Variants in ZNF135 observed in about 807,000 individuals in gnomAD.
The protein encoded by ZNF135 is zinc finger protein 135.
A neutral mutation model predicts 12.3 loss-of-function variants in ZNF135; 11 were observed. The ratio of observed to expected loss-of-function variants is 0.89; its 90% CI spans 0.56 to 1.48. The LOEUF (loss-of-function observed/expected upper bound fraction) is 1.48, where lower values mean the gene tolerates loss of function less well. ZNF135 is among the 40% of genes most tolerant of loss of function. The pLI is 0.00. For missense variants in ZNF135, 722 were observed against 815.7 expected (o/e 0.89, Z 1.40); for synonymous variants, 316 against 312.0 (o/e 1.01, Z -0.14).
At position 58,059,429 on chromosome 19, in the gene ZNF135, C is replaced by A; in HGVS notation, c.-35+119C>A. On this transcript the variant is annotated intron_variant, in intron 1 of 4. Coordinates refer to ENST00000313434, the MANE Select transcript of ZNF135 (RefSeq NM_001289401.2). The surrounding 1 kb of genome is among the most constrained non-coding windows in gnomAD (Gnocchi z 6.5). ...GGGGCGAGTTTCCAGCAGCGCGCGT[C>A]TGTGTGGAGTCCGTTTTGCTGCCCG... 9.0e-7 allele frequency: 1 copy of A among 1,105,678 alleles called. No homozygotes were observed. The highest frequency in any genetic ancestry group is 1.2e-6 in the Non-Finnish European group (1 of 816,582). 68.5% of individuals were successfully genotyped at this position (1,105,678 alleles called of 1,614,324 possible). A position where few individuals can be genotyped will look rare whatever the true frequency, so the allele number is the denominator to read the frequency against.
At position 58,067,841 on chromosome 19, in the gene ZNF135, C is replaced by T. The variant is rs560909953; in HGVS notation, c.1357C>T (p.Leu453Phe). The change falls in exon 5 of 5, where the codon CTC (leucine) becomes TTC (phenylalanine). Residue 453 changes from leucine to phenylalanine, a missense_variant. Coordinates refer to ENST00000313434, the MANE Select transcript of ZNF135 (RefSeq NM_001289401.2). ...CGKTFSHSSSLSQHERTHTGE... is the reference protein window; with the variant it reads ...CGKTFSHSSSFSQHERTHTGE... ...GAAAACCTTCAGCCACAGCTCCTCA[C>T]TCAGCCAGCATGAGCGGACACACAC... 22 of 1,612,580 alleles carry T rather than the reference C, an allele frequency of 1.4e-5. No individual in the cohort carries two copies. The highest frequency in any genetic ancestry group is 1.7e-5 in the Admixed American group (1 of 59,882).
In ZNF135 at chr19:58,066,943, G is replaced by A. The variant is rs2074076782; in HGVS notation, c.459G>A (p.Lys153=). The A allele has an allele frequency of 6.2e-7, 1 of 1,614,182 alleles. No individual in the cohort carries two copies. Among genetic ancestry groups the A allele is most frequent in the African/African-American group, 1.3e-5 (1 of 75,026 alleles). The change falls in exon 5 of 5, where the codon AAG becomes AAA. Residue 153 remains lysine, a synonymous_variant. Coordinates refer to ENST00000313434, the MANE Select transcript of ZNF135 (RefSeq NM_001289401.2). ...TGCCGGTGGCCTTCACGCCTGTGAA[G>A]ACGCCTGTTCTGGAGCAGTGGCAGA... The part of the protein sequence containing the change: ...LAVPVAFTPV[K]TPVLEQWQRN...
chr19:58,067,240 G>A lies in ZNF135; in HGVS notation c.756G>A (p.Arg252=). ...GTCACGAATGCTTAAAAGGCTTCCG[G>A]AACAGCTCGGCACTTACCAAACACC... ...YECHECLKGF[R]NSSALTKHQR... is the part of the protein sequence containing the mutation. Residue 252 remains arginine, a synonymous_variant, in exon 5 of 5, where the codon CGG becomes CGA. Coordinates refer to ENST00000313434, the MANE Select transcript of ZNF135 (RefSeq NM_001289401.2). 6.2e-7 allele frequency: 1 copy of A among 1,614,090 alleles called. No homozygotes were observed. The highest frequency in any genetic ancestry group is 1.1e-5 in the South Asian group (1 of 91,074).
chr19:58,060,111 G>A lies in ZNF135; in HGVS notation c.33+76G>A. 2 of 1,599,652 alleles carry A rather than the reference G, an allele frequency of 1.3e-6. No homozygotes were observed. Among genetic ancestry groups the A allele is most frequent in the East Asian group, 2.2e-5 (1 of 44,448 alleles). On this transcript the variant is annotated intron_variant, in intron 2 of 4. Coordinates refer to ENST00000313434, the MANE Select transcript of ZNF135 (RefSeq NM_001289401.2). This position sits in a 1 kb window ranked among gnomAD's most constrained non-coding sequence, Gnocchi z 4.9. ...CTCGCGCGCGGCCTTCTCACGCCCG[G>A]CCTCCTCTTTGCACCCCGTCCCTAC...
At position 58,060,390 on chromosome 19, in the gene ZNF135, G is replaced by A. The variant is rs1599919909; in HGVS notation, c.33+355G>A. On this transcript the variant is annotated intron_variant, in intron 2 of 4. Transcript: ENST00000313434. This position sits in a 1 kb window ranked among gnomAD's most constrained non-coding sequence, Gnocchi z 4.9. The stretch of plus-strand genomic sequence containing the variant: ...TGCCTCTGAAAGGACCGCCCACGCC[G>A]CGCTGGAGGTCAGCGGGCACGGGTC... 1 of 1,230,236 alleles carries A rather than the reference G, an allele frequency of 8.1e-7. No homozygotes were observed. Among genetic ancestry groups the A allele is most frequent in the South Asian group, 1.8e-5 (1 of 55,250 alleles). The allele number at this position is 1,230,236 out of a possible 1,614,324, so 76.2% of individuals were successfully genotyped here. A position where few individuals can be genotyped will look rare whatever the true frequency, so the allele number is the denominator to read the frequency against.
rs1165349024 is a variant in ZNF135, at chr19:58,060,917, G to C, written c.34-663G>C. Among the ~76,000 whole-genome samples, 1 of 152,138 alleles carries C rather than the reference G, an allele frequency of 6.6e-6. No individual in the cohort carries two copies. The highest frequency in any genetic ancestry group is 1.5e-5 in the Non-Finnish European group (1 of 68,018). ...CGAGGTGGGCGGATCACGAGGTCAG[G>C]AGATCGAGACCATCCTGGCGAACAC... is the stretch of plus-strand genomic sequence containing the variant. On this transcript the variant is annotated intron_variant, in intron 2 of 4. Transcript: ENST00000313434. This position sits in a 1 kb window ranked among gnomAD's most constrained non-coding sequence, Gnocchi z 4.9.
At position 58,066,835 on chromosome 19, in the gene ZNF135, G is replaced by A. The variant is rs1404101497; in HGVS notation, c.351G>A (p.Leu117=). 1.2e-6 allele frequency: 2 copies of A among 1,614,244 alleles called. No individual in the cohort carries two copies. Among genetic ancestry groups the A allele is most frequent in the Non-Finnish European group, 1.7e-6 (2 of 1,180,048 alleles). The change falls in exon 5 of 5, where the codon CTG becomes CTA. Residue 117 remains leucine, a synonymous_variant. Coordinates refer to ENST00000313434, the MANE Select transcript of ZNF135 (RefSeq NM_001289401.2). ...SNSVILVERF[L]WDGLWYCRGE... Reference sequence around the variant, plus strand: ...GTGTCATCTTGGTAGAAAGATTCCTGTGGGATGGTCTGTGGTACTGCAGGG... The same window carrying A: ...GTGTCATCTTGGTAGAAAGATTCCTATGGGATGGTCTGTGGTACTGCAGGG...
upstream of ZNF135, chr19:58,059,275 T>A (rs1204286215): frequency 6.8e-7 from 1 of 1,479,226 alleles, no homozygotes; most frequent in Non-Finnish European, 9.0e-7. The surrounding 1 kb of genome is among the most constrained non-coding windows in gnomAD (Gnocchi z 6.5). Context: ...CAGTGTCGGC[T>A]GCCGGTGCCG....
chr19:58,060,154 C>G lies in ZNF135; in HGVS notation c.33+119C>G. ...GTCCCTACTCGCGCTCAGCCTCCTC[C>G]TTGTGCCCGGCCCCTACTTGCGTGC... is the stretch of plus-strand genomic sequence containing the variant. On this transcript the variant is annotated intron_variant, in intron 2 of 4. Transcript: ENST00000313434. The surrounding 1 kb of genome is among the most constrained non-coding windows in gnomAD (Gnocchi z 4.9). The G allele has an allele frequency of 1.9e-6, 3 of 1,567,158 alleles. No individual in the cohort carries two copies. The South Asian group carries it at 3.4e-5, about 18-fold the overall frequency.
rs1295418115 is a variant in ZNF135, at chr19:58,059,813, C to T, written c.-34-156C>T. On this transcript the variant is annotated intron_variant, in intron 1 of 4. Transcript: ENST00000313434. This position sits in a 1 kb window ranked among gnomAD's most constrained non-coding sequence, Gnocchi z 6.5. ...AAACCCTAGGCTGCCCTTCTCCGAG[C>T]GGAGGGCCGCCCCACACACAGCAGG... 1.1e-6 allele frequency: 1 copy of T among 877,240 alleles called. No homozygotes were observed. Among genetic ancestry groups the T allele is most frequent in the Non-Finnish European group, 1.7e-6 (1 of 592,632 alleles). The allele number at this position is 877,240 out of a possible 1,614,324, so 54.3% of individuals were successfully genotyped here.
At position 58,067,769 on chromosome 19, in the gene ZNF135, C is replaced by A; in HGVS notation, c.1285C>A (p.Arg429=). 1 of 1,614,114 alleles carries A rather than the reference C, an allele frequency of 6.2e-7. No individual in the cohort carries two copies. Among genetic ancestry groups the A allele is most frequent in the South Asian group, 1.1e-5 (1 of 91,078 alleles). The stretch of plus-strand genomic sequence containing the variant: ...TCAGAGCACACTCCTGACCGAGCAT[C>A]GGAGGATTCACACAGGAGAGAAGCC... The part of the protein sequence containing the change: ...FSQSTLLTEH[R]RIHTGEKPYG... The change falls in exon 5 of 5, where the codon CGG becomes AGG. Residue 429 remains arginine, a synonymous_variant. Transcript: ENST00000313434.
At chr19:58,064,308 A>G (rs2074031681) in intron 4 of ZNF135, among the ~76,000 whole-genome samples, 1 of 152,138 alleles carries the variant, frequency 6.6e-6, no homozygotes, top group South Asian at 2.1e-4. Context: ...TCCTCCTGCA[A>G]CCAGTTACAA....
chr19:58,069,256 C>T lies in ZNF135; in HGVS notation c.*795C>T, dbSNP rs1356847426. On this transcript the variant is annotated 3_prime_UTR_variant, in exon 5 of 5. Coordinates refer to ENST00000313434, the MANE Select transcript of ZNF135 (RefSeq NM_001289401.2). ...ATGTAAAGCTGCTTCCGTAGAGTCTCACTGATTCTGAGATGGCTTTTGCTG... is the reference window on the plus strand; with the variant it reads ...ATGTAAAGCTGCTTCCGTAGAGTCTTACTGATTCTGAGATGGCTTTTGCTG... 1 of 152,186 alleles carries T rather than the reference C, an allele frequency of 6.6e-6. No individual in the cohort carries two copies. Among genetic ancestry groups the T allele is most frequent in the Non-Finnish European group, 1.5e-5 (1 of 68,036 alleles). 9.4% of individuals were successfully genotyped at this position (152,186 alleles called of 1,614,324 possible).
chr19:58,060,293 C>T lies in ZNF135; in HGVS notation c.33+258C>T. 2.9e-6 allele frequency: 4 copies of T among 1,380,698 alleles called. No individual in the cohort carries two copies. The highest frequency in any genetic ancestry group is 2.8e-5 in the East Asian group (1 of 35,676). 85.5% of individuals were successfully genotyped at this position (1,380,698 alleles called of 1,614,324 possible). On this transcript the variant is annotated intron_variant, in intron 2 of 4. Coordinates refer to ENST00000313434, the MANE Select transcript of ZNF135 (RefSeq NM_001289401.2). The surrounding 1 kb of genome is among the most constrained non-coding windows in gnomAD (Gnocchi z 4.9). Reference sequence around the variant, plus strand: ...CCCGGCCTCTATTTGCACATCTAGCCTCTACTCGTGTCCGGCCTCTACCTG... The same window carrying T: ...CCCGGCCTCTATTTGCACATCTAGCTTCTACTCGTGTCCGGCCTCTACCTG...
Position 58,067,226 on chromosome 19 carries a change from T to C in ZNF135, c.742T>C (p.Leu248=), listed in dbSNP as rs61732966. 1.9e-6 allele frequency: 3 copies of C among 1,613,872 alleles called. No individual in the cohort carries two copies. The highest frequency in any genetic ancestry group is 2.5e-6 in the Non-Finnish European group (3 of 1,179,972). The change falls in exon 5 of 5, where the codon TTA becomes CTA. Residue 248 remains leucine (L), a synonymous_variant. Coordinates refer to ENST00000313434, the MANE Select transcript of ZNF135 (RefSeq NM_001289401.2). ...GAGACCTTACGAATGTCACGAATGC[T>C]TAAAAGGCTTCCGGAACAGCTCGGC... is the stretch of plus-strand genomic sequence containing the variant. The part of the protein sequence containing the change: ...GERPYECHEC[L]KGFRNSSALT...
chr19:58,067,098 A>G lies in ZNF135; in HGVS notation c.614A>G (p.Gln205Arg), dbSNP rs781110443. 15 of 1,614,142 alleles carry G rather than the reference A, an allele frequency of 9.3e-6. No individual in the cohort carries two copies. The highest frequency in any genetic ancestry group is 1.3e-5 in the African/African-American group (1 of 74,950). ...KREKPDLNVL[Q>R]KTCVKEKPYK... ...GAGAAGCCAGACCTAAATGTTTTAC[A>G]GAAAACCTGTGTAAAAGAGAAACCC... Residue 205 changes from glutamine to arginine, a missense_variant, in exon 5 of 5, where the codon CAG becomes CGG. By Grantham distance (43) the Gln-to-Arg change is conservative. Coordinates refer to ENST00000313434, the MANE Select transcript of ZNF135 (RefSeq NM_001289401.2).
chr19:58,067,300 C>T lies in ZNF135; in HGVS notation c.816C>T (p.Cys272=). 6.2e-7 allele frequency: 1 copy of T among 1,614,074 alleles called. No individual in the cohort carries two copies. Among genetic ancestry groups the T allele is most frequent in the South Asian group, 1.1e-5 (1 of 91,074 alleles). Residue 272 remains cysteine (C), a synonymous_variant, in exon 5 of 5, where the codon TGC becomes TGT. Transcript: ENST00000313434. ...RIHTGEKPYK[C]TQCGRTFNQI... ...ATACTGGGGAGAAACCCTATAAATG[C>T]ACTCAGTGTGGGAGGACCTTCAACC...
At chr19:58,066,061 G>A (rs1245797292) in intron 4 of ZNF135, among the ~76,000 whole-genome samples, 2 of 152,172 alleles carry the variant, frequency 1.3e-5, no homozygotes, top group Non-Finnish European at 2.9e-5. Flanking sequence ...AGATACAGTG[G>A]TAAGCAAGGT....
intron 2 of ZNF135, 110 bp from the exon 3 acceptor site, chr19:58,061,470 C>T: frequency 2.1e-6 from 3 of 1,428,900 alleles, no homozygotes; most frequent in Non-Finnish European, 2.8e-6. Context: ...CCCAAAACCC[C>T]AGACCAAAGG....
Sources: allele counts gnomAD v4.1 joint callset (sites outside exome capture counted in the v4.1 genomes callset), GRCh38; gene constraint gnomAD v4.1.1; non-coding constraint Gnocchi (gnomAD v3.1); transcripts MANE v1.5; gene names NCBI Gene and HGNC (gene_info 2026-07-23, HGNC 2026-07-21).